Variants in ENOX1 observed in about 807,000 individuals in gnomAD.
The protein encoded by ENOX1 is ecto-NOX disulfide-thiol exchanger 1, also known as candidate growth-related and time keeping constitutive hydroquinone (NADH) oxidase.
Under a neutral mutation model 82.5 loss-of-function variants are expected in ENOX1, and 42 were observed. That is an observed-to-expected ratio of 0.51 (90% confidence interval 0.40 to 0.66). ENOX1 has a LOEUF of 0.66. Ranked by LOEUF, ENOX1 falls within the 30% of genes least tolerant of loss-of-function variation. The probability of loss-of-function intolerance (pLI) is 0.00; values close to 1 mark genes in which losing one functional copy is unlikely to be tolerated. For missense variants in ENOX1, 608 were observed against 811.6 expected (o/e 0.75, Z 3.05); for synonymous variants, 271 against 282.2 (o/e 0.96, Z 0.40).
chr13:43,692,953 C>T (rs1169087083), intron 1 of ENOX1, among the ~76,000 whole-genome samples: 1 of 152,048 alleles, frequency 6.6e-6, no homozygotes, highest in African/African-American at 2.4e-5. Flanking sequence ...TATAGTAGCT[C>T]TTTATATTAC....
chr13:43,525,602 A>G (rs2077955499), intron 2 of ENOX1, among the ~76,000 whole-genome samples: 1 of 152,042 alleles, frequency 6.6e-6, no homozygotes, highest in South Asian at 2.1e-4. Context: ...CCTATTAACA[A>G]TGCACAAGGG....
rs1325692629 is a variant in ENOX1, at chr13:43,321,294, C to T, written c.1261+1090G>A. On this transcript the variant is annotated intron_variant, in intron 11 of 16. Coordinates refer to ENST00000690772, the MANE Select transcript of ENOX1 (RefSeq NM_001347969.2). ...GGGTGGGGCCTGCTAACTTACATTT[C>T]TAATAAGTTCCTAGATGATGCTGGT... Among the ~76,000 whole-genome samples, 2 of 152,220 alleles carry T rather than the reference C, an allele frequency of 1.3e-5. 1 individual carries two copies. Among genetic ancestry groups the T allele is most frequent in the Non-Finnish European group, 2.9e-5 (2 of 68,044 alleles).
intron 9 of ENOX1, among the ~76,000 whole-genome samples, chr13:43,344,112 C>T (rs993814102): frequency 1.3e-5 from 2 of 152,194 alleles, no homozygotes; most frequent in Non-Finnish European, 2.9e-5. Context: ...TCTGATAGTA[C>T]CCTTTTCCTA....
intron 1 of ENOX1, among the ~76,000 whole-genome samples, chr13:43,754,059 C>CGTATATAAATACACATATATAT (rs1950480393): frequency 7.1e-6 from 1 of 140,186 alleles, no homozygotes; most frequent in African/African-American, 2.6e-5. Flanking sequence ...CATATATATA[C>CGTATATAAATACACATATATAT]ATATATACGT....
chr13:43,262,390 A>C (rs1281900831), intron 14 of ENOX1, among the ~76,000 whole-genome samples: 2 of 152,208 alleles, frequency 1.3e-5, no homozygotes, highest in East Asian at 3.8e-4. Flanking sequence ...TAATGCATGA[A>C]ATTCCTGCCC....
At chr13:43,402,227 T>C (rs1172547078) in intron 5 of ENOX1, among the ~76,000 whole-genome samples, 1 of 152,126 alleles carries the variant, frequency 6.6e-6, no homozygotes, top group Non-Finnish European at 1.5e-5. Context: ...AGAAGGAATC[T>C]GAAAATATAA....
At chr13:43,409,643 C>A (rs552882047) in intron 5 of ENOX1, among the ~76,000 whole-genome samples, 2 of 152,110 alleles carry the variant, frequency 1.3e-5, no homozygotes, top group African/African-American at 4.8e-5. Context: ...AAAATGGAAA[C>A]AGCCTAAATG....
At chr13:43,468,651 A>T (rs2057853040) in intron 3 of ENOX1, among the ~76,000 whole-genome samples, 2 of 150,592 alleles carry the variant, frequency 1.3e-5, no homozygotes, top group South Asian at 4.2e-4. Context: ...AAAAAAAAAC[A>T]AAGCCAGATA....
intron 12 of ENOX1, among the ~76,000 whole-genome samples, chr13:43,278,123 A>G (rs1424178563): frequency 6.6e-6 from 1 of 152,230 alleles, no homozygotes; most frequent in Non-Finnish European, 1.5e-5. Context: ...TCCTCATAAC[A>G]ATCTTTTGCT....
At chr13:43,711,051 A>T (rs1397660867) in intron 1 of ENOX1, among the ~76,000 whole-genome samples, 3 of 147,108 alleles carry the variant, frequency 2.0e-5, no homozygotes, top group Non-Finnish European at 4.5e-5. Context: ...GTATATCTCC[A>T]AATGCTATCC....
intron 2 of ENOX1, among the ~76,000 whole-genome samples, chr13:43,563,634 GATTA>G (rs2079785173): frequency 6.6e-6 from 1 of 152,032 alleles, no homozygotes; most frequent in Non-Finnish European, 1.5e-5. Context: ...CCTTTACCTA[GATTA>G]ATTGAGAAAA....
chr13:43,629,313 T>TAGAG (rs890911830), intron 2 of ENOX1, among the ~76,000 whole-genome samples: 1 of 152,230 alleles, frequency 6.6e-6, no homozygotes, highest in East Asian at 1.9e-4. Context: ...CATTTCTGGC[T>TAGAG]AGAGAGAGTA....
chr13:43,628,048 G>T (rs1197389115), intron 2 of ENOX1, among the ~76,000 whole-genome samples: 1 of 151,956 alleles, frequency 6.6e-6, no homozygotes, highest in African/African-American at 2.4e-5. Flanking sequence ...ATAGTTTTCA[G>T]AAGTTTAATT....
chr13:43,393,126 A>G (rs1429839752), intron 5 of ENOX1, among the ~76,000 whole-genome samples: 1 of 152,238 alleles, frequency 6.6e-6, no homozygotes, highest in Non-Finnish European at 1.5e-5. Context: ...AATAATGTGA[A>G]GCATTGTATT....
intron 11 of ENOX1, among the ~76,000 whole-genome samples, chr13:43,308,617 C>T (rs915202258): frequency 6.6e-6 from 1 of 152,192 alleles, no homozygotes; most frequent in Non-Finnish European, 1.5e-5. Flanking sequence ...ATATGACAGC[C>T]ATCATCCTCA....
intron 2 of ENOX1, among the ~76,000 whole-genome samples, chr13:43,664,631 A>T (rs937778809): frequency 6.6e-6 from 1 of 152,220 alleles, no homozygotes; most frequent in Non-Finnish European, 1.5e-5. Flanking sequence ...ACCTATAGAC[A>T]TGCCCACAAG....
At chr13:43,710,799 A>G (rs748660078) in intron 1 of ENOX1, among the ~76,000 whole-genome samples, 13 of 152,176 alleles carry the variant, frequency 8.5e-5, no homozygotes, top group South Asian at 2.1e-4. Context: ...AACATCTACA[A>G]AATTGCTCTA....
chr13:43,254,353 A>T (rs987964285), intron 14 of ENOX1, among the ~76,000 whole-genome samples: 1 of 152,190 alleles, frequency 6.6e-6, no homozygotes, highest in Non-Finnish European at 1.5e-5. Flanking sequence ...AAATGCAAAT[A>T]TTATTGAGGC....
rs1259550423 is a variant in ENOX1 at position 43,786,696 on chromosome 13, T to TGGGGCGCCGGGCGCGGCGC, written c.-348_-330dup. The TGGGGCGCCGGGCGCGGCGC allele has an allele frequency of 1.3e-5, 2 of 150,792 alleles. No individual in the cohort carries two copies. The highest frequency in any genetic ancestry group is 1.3e-4 in the Admixed American group (2 of 15,198). The allele number at this position is 150,792 out of a possible 1,614,324, so 9.3% of individuals were successfully genotyped here. On this transcript the variant is annotated 5_prime_UTR_variant, in exon 1 of 17. Transcript: ENST00000690772. The surrounding 1 kb of genome is among the most constrained non-coding windows in gnomAD (Gnocchi z 6.0). Reference sequence around the variant, plus strand: ...AGCGGAGGCAACCCGCTGCGCGGAGTGGGGCGCCGGGCGCGGCGCGGCTCC... The same window carrying TGGGGCGCCGGGCGCGGCGC: ...AGCGGAGGCAACCCGCTGCGCGGAGTGGGGCGCCGGGCGCGGCGCGGGGCGCCGGGCGCGGCGCGGCTCC...
Sources: allele counts gnomAD v4.1 joint callset (sites outside exome capture counted in the v4.1 genomes callset), GRCh38; gene constraint gnomAD v4.1.1; non-coding constraint Gnocchi (gnomAD v3.1); transcripts MANE v1.5; gene names NCBI Gene and HGNC (gene_info 2026-07-23, HGNC 2026-07-21).